The following COL4A4 variants were observed in gnomAD, a reference collection of about 807,000 sequenced individuals.
The protein encoded by COL4A4 is collagen type IV alpha 4 chain.
A neutral mutation model predicts 192.9 loss-of-function variants in COL4A4; 105 were observed. The ratio of observed to expected loss-of-function variants is 0.54; its 90% CI spans 0.46 to 0.64. The LOEUF is 0.64. Among genes scored for constraint, COL4A4 ranks in the 30% least tolerant of loss-of-function variants. The probability of loss-of-function intolerance (pLI) is 0.00; values close to 1 mark genes in which losing one functional copy is unlikely to be tolerated. For missense variants in COL4A4, 1,967 were observed against 2,169.3 expected (o/e 0.91, Z 1.85); for synonymous variants, 762 against 769.9 (o/e 0.99, Z 0.17).
chr2:227,100,849 G>A (rs951170503), intron 17 of COL4A4, among the ~76,000 whole-genome samples: 1 of 151,224 alleles, frequency 6.6e-6, no homozygotes, highest in African/African-American at 2.4e-5. Context: ...CTGTTGCCCA[G>A]GATGGAGTGC....
chr2:227,155,185 C>T (rs2064239218), intron 1 of COL4A4, among the ~76,000 whole-genome samples: 1 of 152,024 alleles, frequency 6.6e-6, no homozygotes, highest in Admixed American at 6.5e-5. Context: ...CCCACCCCCA[C>T]CTTTCCTTCC....
chr2:227,147,500 T>C lies in COL4A4; in HGVS notation c.-17A>G, dbSNP rs1416042493. Reference sequence around the variant, plus strand: ...AGACCACATCGCAGGCAAGTCTTAGTACTTAAAAAATATTCTGCCAGTCTT... The same window carrying C: ...AGACCACATCGCAGGCAAGTCTTAGCACTTAAAAAATATTCTGCCAGTCTT... On this transcript the variant is annotated 5_prime_UTR_variant, in exon 2 of 48. Coordinates refer to ENST00000396625, the MANE Select transcript of COL4A4 (RefSeq NM_000092.5). 5 of 1,611,036 alleles carry C rather than the reference T, an allele frequency of 3.1e-6. No homozygotes were observed. Among genetic ancestry groups the C allele is most frequent in the Admixed American group, 1.7e-5 (1 of 59,986 alleles).
intron 26 of COL4A4, among the ~76,000 whole-genome samples, 164 bp from the exon 27 acceptor site, chr2:227,060,407 A>G (rs1976655006): frequency 6.6e-6 from 1 of 152,248 alleles, no homozygotes; most frequent in Non-Finnish European, 1.5e-5. Context: ...ATTGTAAGTC[A>G]TATGCTCCAA....
intron 7 of COL4A4, among the ~76,000 whole-genome samples, chr2:227,116,801 C>T (rs373914536): frequency 6.6e-6 from 1 of 152,116 alleles, no homozygotes; most frequent in Admixed American, 6.6e-5. Context: ...ATTAAAGGAA[C>T]CCTGAGAGAT....
At chr2:227,077,415 C>T (rs759126567) in intron 25 of COL4A4, among the ~76,000 whole-genome samples, 1 of 152,168 alleles carries the variant, frequency 6.6e-6, no homozygotes, top group Non-Finnish European at 1.5e-5. Flanking sequence ...ACCGCATGTT[C>T]TCGCTCATAA....
chr2:226,985,133 A>G, the COL4A4 span, among the ~76,000 whole-genome samples: 522 of 152,300 alleles, frequency 3.4e-3, 1 homozygote, highest in Middle Eastern at 0.01. Context: ...GAGTTAGCAT[A>G]TTTAGGAGGC....
Position 227,008,151 on chromosome 2 carries a change from A to G in COL4A4, c.4676T>C (p.Ile1559Thr). 1.9e-6 allele frequency: 3 copies of G among 1,613,996 alleles called. No individual in the cohort carries two copies. The highest frequency in any genetic ancestry group is 2.5e-6 in the Non-Finnish European group (3 of 1,179,870). The change falls in exon 47 of 48, where the codon ATC becomes ACC. Residue 1559 changes from isoleucine (I) to threonine (T), a missense_variant. Coordinates refer to ENST00000396625, the MANE Select transcript of COL4A4 (RefSeq NM_000092.5). ...LPMMPLSEEA[I>T]RPYVSRCAVC... The stretch of plus-strand genomic sequence containing the variant: ...CGCACAGCGGCTGACATAGGGGCGG[A>G]TCGCCTCTTCAGAGAGTGGCATCAT...
chr2:227,095,919 A>C (rs1576468429), intron 19 of COL4A4, among the ~76,000 whole-genome samples: 1 of 152,098 alleles, frequency 6.6e-6, no homozygotes, highest in East Asian at 1.9e-4. Context: ...GAAACAAAAA[A>C]AAAGATAGCC....
intron 4 of COL4A4, among the ~76,000 whole-genome samples, chr2:227,130,779 T>A (rs1282315375): frequency 2.0e-5 from 3 of 152,176 alleles, no homozygotes; most frequent in Admixed American, 2.0e-4. Context: ...GAAACGTGCT[T>A]CCTGAGCGGG....
In COL4A4 at chr2:227,163,991, C is replaced by A. The variant is rs1283409262; in HGVS notation, c.-102+16G>T. Reference sequence around the variant, plus strand: ...GGGCCCCGGGACAGCGGTTGCCCCACCTATGGGCGCCTTACCTGTGGGGAC... The same window carrying A: ...GGGCCCCGGGACAGCGGTTGCCCCAACTATGGGCGCCTTACCTGTGGGGAC... On this transcript the variant is annotated intron_variant, in intron 1 of 47. Transcript: ENST00000396625. 1 of 152,308 alleles carries A rather than the reference C, an allele frequency of 6.6e-6. No homozygotes were observed. Among genetic ancestry groups the A allele is most frequent in the Admixed American group, 6.5e-5 (1 of 15,292 alleles). 9.4% of individuals were successfully genotyped at this position (152,308 alleles called of 1,614,324 possible). A position where few individuals can be genotyped will look rare whatever the true frequency, so the allele number is the denominator to read the frequency against.
the COL4A4 span, among the ~76,000 whole-genome samples, chr2:226,972,599 G>A: frequency 9.2e-5 from 14 of 152,176 alleles, no homozygotes; most frequent in African/African-American, 3.4e-4. Context: ...CGGAGCTTCT[G>A]GGTCAAGGCA....
intron 40 of COL4A4, among the ~76,000 whole-genome samples, chr2:227,031,136 C>T (rs959280274): frequency 6.6e-6 from 1 of 152,006 alleles, no homozygotes; most frequent in Non-Finnish European, 1.5e-5. Flanking sequence ...AATGTTCACT[C>T]GATTAAATTT....
At chr2:227,034,071 T>G (rs1048236125) in intron 37 of COL4A4, among the ~76,000 whole-genome samples, 2 of 152,240 alleles carry the variant, frequency 1.3e-5, no homozygotes, top group South Asian at 4.1e-4. Flanking sequence ...TTCTGATGCC[T>G]TTCTGCAGAA....
At chr2:227,088,624 T>A in intron 22 of COL4A4, 29 bp downstream of exon 22, 1 of 1,613,526 alleles carries the variant, frequency 6.2e-7, no homozygotes, top group Non-Finnish European at 8.5e-7. Flanking sequence ...CTCTTTTAAC[T>A]GGAAAGATGA....
chr2:227,069,074 C>G (rs2058541369), intron 25 of COL4A4, among the ~76,000 whole-genome samples: 1 of 135,906 alleles, frequency 7.4e-6, no homozygotes, highest in Non-Finnish European at 1.6e-5. Context: ...ACACCAACAA[C>G]AGACAAACAG....
chr2:227,072,576 C>T (rs781065246), intron 25 of COL4A4, among the ~76,000 whole-genome samples: 9 of 151,734 alleles, frequency 5.9e-5, no homozygotes, highest in Non-Finnish European at 1.2e-4. Flanking sequence ...CATCCTGATA[C>T]CAACACAGGA....
intron 2 of COL4A4, among the ~76,000 whole-genome samples, chr2:227,145,850 C>T (rs906678908): frequency 1.3e-5 from 2 of 152,188 alleles, no homozygotes; most frequent in Admixed American, 6.5e-5. Context: ...CAGCTGTTTT[C>T]ATGATAATTC....
intron 27 of COL4A4, 21 bp downstream of exon 27, chr2:227,060,115 A>AAAAC (rs1553644222): frequency 7.7e-7 from 1 of 1,306,094 alleles, no homozygotes; most frequent in South Asian, 1.3e-5. Flanking sequence ...AAAAAAAAAA[A>AAAAC]AAAAAAAAAA....
chr2:227,009,595 G>A (rs780211870), intron 46 of COL4A4, among the ~76,000 whole-genome samples: 3 of 152,056 alleles, frequency 2.0e-5, no homozygotes, highest in Non-Finnish European at 4.4e-5. Context: ...CTACTCAGGA[G>A]GCTGAGGCAG....
Sources: allele counts gnomAD v4.1 joint callset (sites outside exome capture counted in the v4.1 genomes callset), GRCh38; gene constraint gnomAD v4.1.1; transcripts MANE v1.5; gene names NCBI Gene and HGNC (gene_info 2026-07-23, HGNC 2026-07-21).